CIAO2A: variants seen among roughly 807,000 people sequenced by gnomAD.
CIAO2A encodes MIP18 family protein FAM96A.
In CIAO2A, 17 loss-of-function variants were observed where a neutral mutation model predicts 22.4. That is an observed-to-expected ratio of 0.76 (90% CI 0.52 to 1.14). CIAO2A has a LOEUF of 1.14. Ranked by LOEUF, CIAO2A falls within the 50% of genes most tolerant of loss-of-function variation. The pLI is 0.00. For missense variants in CIAO2A, 192 were observed against 191.4 expected (o/e 1.00, Z -0.02); for synonymous variants, 74 against 72.3 (o/e 1.02, Z -0.12).
intron 3 of CIAO2A, among the ~76,000 whole-genome samples, chr15:64,077,082 G>A (rs187233060): frequency 4.3e-4 from 66 of 152,246 alleles, no homozygotes; most frequent in Non-Finnish European, 8.5e-4. Flanking sequence ...GGAGGCCGAG[G>A]CAGGCGGATC....
At position 64,081,093 on chromosome 15, in the gene CIAO2A, C is replaced by T; in HGVS notation, c.339+9G>A. 2 of 1,611,818 alleles carry T rather than the reference C, an allele frequency of 1.2e-6. No individual in the cohort carries two copies. The highest frequency in any genetic ancestry group is 1.7e-6 in the Non-Finnish European group (2 of 1,179,134). On this transcript the variant is annotated intron_variant, in intron 3 of 4. Transcript: ENST00000300030. ...AACAACAACAACAACAAAAATACAT[C>T]TTTCTTACCTTATGTTTAAATGGTA...
chr15:64,075,421 A>T, intron 4 of CIAO2A, 71 bp downstream of exon 4: 1 of 947,500 alleles, frequency 1.1e-6, no homozygotes, highest in Non-Finnish European at 1.6e-6. Flanking sequence ...CTTGGCTGGC[A>T]GAAGAATCCA....
intron 2 of CIAO2A, among the ~76,000 whole-genome samples, chr15:64,081,630 C>T (rs1038681722): frequency 1.3e-5 from 2 of 149,890 alleles, no homozygotes; most frequent in South Asian, 4.2e-4. Context: ...CTCCGCCTCT[C>T]GGTTCAAGCA....
At position 64,093,754 on chromosome 15, in the gene CIAO2A, G is replaced by T. The variant is rs201610446; in HGVS notation, c.15C>A (p.Ser5=). ...TGCTCAGCGTCCAGGAGAGCAGCCC[G>T]GACACCCGCTGCATCTTCACGCTCA... The part of the protein sequence containing the change: MQRV[S]GLLSWTLSRV... The change falls in exon 1 of 5, where the codon TCC becomes TCA. Residue 5 remains serine, a synonymous_variant. Coordinates refer to ENST00000300030, the MANE Select transcript of CIAO2A (RefSeq NM_032231.7). 1.9e-6 allele frequency: 3 copies of T among 1,611,442 alleles called. No individual in the cohort carries two copies. Among genetic ancestry groups the T allele is most frequent in the Non-Finnish European group, 2.5e-6 (3 of 1,177,810 alleles).
At chr15:64,082,509 T>G (rs1279193559) in intron 2 of CIAO2A, among the ~76,000 whole-genome samples, 1 of 152,218 alleles carries the variant, frequency 6.6e-6, no homozygotes, top group Non-Finnish European at 1.5e-5. Flanking sequence ...ATTATAGGCA[T>G]GAGCCACCGC....
chr15:64,075,229 C>T (rs1443415934), intron 4 of CIAO2A: 3 of 296,638 alleles, frequency 1.0e-5, no homozygotes. Flanking sequence ...AGTCAAGGTC[C>T]CCAGCACTGG....
At chr15:64,078,504 T>C (rs2080735556) in intron 3 of CIAO2A, among the ~76,000 whole-genome samples, 2 of 151,890 alleles carry the variant, frequency 1.3e-5, no homozygotes, top group South Asian at 2.1e-4. Flanking sequence ...GGTGTGGTGG[T>C]ATGCGCCTGT....
chr15:64,074,578 G>C lies in CIAO2A; in HGVS notation c.385+914C>G, dbSNP rs184367466. ...GGTTTAAAGAAATTCAGCCCACAAA[G>C]AGTATAATAATCTACATGTCTAGAA... On this transcript the variant is annotated intron_variant, in intron 4 of 4. Transcript: ENST00000300030. 2.6e-5 allele frequency: 4 copies of C among 152,278 alleles called. No individual in the cohort carries two copies. In the East Asian group the frequency reaches 7.7e-4, roughly 29 times the overall value. 9.4% of individuals were successfully genotyped at this position (152,278 alleles called of 1,614,324 possible). A position where few individuals can be genotyped will look rare whatever the true frequency, so the allele number is the denominator to read the frequency against.
intron 1 of CIAO2A, among the ~76,000 whole-genome samples, chr15:64,091,411 G>A (rs2080838690): frequency 6.6e-6 from 1 of 151,452 alleles, no homozygotes; most frequent in Admixed American, 6.6e-5. Flanking sequence ...CTTGAACCCA[G>A]GAGGCTGAGG....
At chr15:64,091,342 G>A (rs1054566839) in intron 1 of CIAO2A, among the ~76,000 whole-genome samples, 4 of 152,084 alleles carry the variant, frequency 2.6e-5, no homozygotes, top group African/African-American at 9.7e-5. Flanking sequence ...AAAATGAGCC[G>A]GGTGTGGTGG....
rs577901140 is a variant in CIAO2A, at chr15:64,077,894, T to C, written c.340-2357A>G. 3.9e-5 allele frequency among the ~76,000 whole-genome samples: 6 copies of C among 152,306 alleles called. No homozygotes were observed. The East Asian group carries it at 7.7e-4, about 20-fold the overall frequency. The stretch of plus-strand genomic sequence containing the variant: ...TGTCCTGGTTTAGAAATTTATACTG[T>C]GGTAATGTAAGAGAATGTCCTTGTT... On this transcript the variant is annotated intron_variant, in intron 3 of 4. Transcript: ENST00000300030.
At chr15:64,075,903 T>C (rs1360601444) in intron 3 of CIAO2A, among the ~76,000 whole-genome samples, 2 of 151,950 alleles carry the variant, frequency 1.3e-5, no homozygotes, top group Non-Finnish European at 2.9e-5. Context: ...CCTCAGGTGA[T>C]CCGCCTCGGC....
chr15:64,082,837 A>G (rs2080767259), intron 2 of CIAO2A, among the ~76,000 whole-genome samples: 1 of 152,164 alleles, frequency 6.6e-6, no homozygotes, highest in African/African-American at 2.4e-5. Context: ...TAGCTTCACT[A>G]CATACTCGCT....
At position 64,088,709 on chromosome 15, in the gene CIAO2A, A is replaced by G. The variant is rs2080816448; in HGVS notation, c.267T>C (p.His89=). The G allele has an allele frequency of 6.2e-7, 1 of 1,612,812 alleles. No homozygotes were observed. The highest frequency in any genetic ancestry group is 8.5e-7 in the Non-Finnish European group (1 of 1,179,698). The part of the protein sequence containing the change: ...VIIRFTPTVP[H]CSLATLIGLC... ...TACCAATAAGAGTCGCCAAAGAGCA[A>G]TGAGGTACTGTTGGCGTGAACCTGA... The change falls in exon 2 of 5, where the codon CAT becomes CAC. Residue 89 remains histidine (H), a synonymous_variant. Transcript: ENST00000300030.
At chr15:64,087,397 T>C (rs2080806316) in intron 2 of CIAO2A, among the ~76,000 whole-genome samples, 1 of 151,982 alleles carries the variant, frequency 6.6e-6, no homozygotes, top group Non-Finnish European at 1.5e-5. Flanking sequence ...GGCCTAATTT[T>C]GTATTTTTTT....
At chr15:64,081,193 T>A (rs144603843) in intron 2 of CIAO2A, 42 bp from the exon 3 acceptor site, 1 of 1,573,710 alleles carries the variant, frequency 6.4e-7, no homozygotes, top group South Asian at 1.1e-5. Flanking sequence ...TCTTTATTGC[T>A]TCTTATTGGT....
At chr15:64,080,997 C>G (rs1025379780) in intron 3 of CIAO2A, 105 bp downstream of exon 3, 12 of 1,111,726 alleles carry the variant, frequency 1.1e-5, no homozygotes, top group African/African-American at 1.6e-5. Flanking sequence ...AAGCAAAAAC[C>G]ACTGAATTGG....
chr15:64,078,016 G>T lies in CIAO2A; in HGVS notation c.340-2479C>A, dbSNP rs145957155. Among the ~76,000 whole-genome samples the T allele has an allele frequency of 3.3e-3, 509 of 152,264 alleles. 1 individual carries two copies. Among genetic ancestry groups the T allele is most frequent in the Middle Eastern group, 6.8e-3 (2 of 294 alleles). On this transcript the variant is annotated intron_variant, in intron 3 of 4. Transcript: ENST00000300030. ...ATGTGTATGTGTGTGTACATATATAGAGAGAAATTAATGATAAACCAAATG... is the reference window on the plus strand; with the variant it reads ...ATGTGTATGTGTGTGTACATATATATAGAGAAATTAATGATAAACCAAATG...
At position 64,072,969 on chromosome 15, in the gene CIAO2A, G is replaced by A. The variant is rs746761595; in HGVS notation, c.445C>T (p.Arg149Trp). 2.2e-5 allele frequency: 36 copies of A among 1,613,660 alleles called. No individual in the cohort carries two copies. The highest frequency in any genetic ancestry group is 3.3e-4 in the Middle Eastern group (2 of 6,080). Reference protein sequence around the residue: ...VAAAMENPNLREIVEQCVLEP... With the variant: ...VAAAMENPNLWEIVEQCVLEP... Reference sequence around the variant, plus strand: ...AGGACACACTGTTCCACAATTTCCCGTAAGTTGGGGTTTTCCATTGCAGCT... The same window carrying A: ...AGGACACACTGTTCCACAATTTCCCATAAGTTGGGGTTTTCCATTGCAGCT... The change falls in exon 5 of 5, where the codon CGG (arginine) becomes TGG (tryptophan). Residue 149 changes from arginine to tryptophan, a missense_variant. Coordinates refer to ENST00000300030, the MANE Select transcript of CIAO2A (RefSeq NM_032231.7).
Sources: gnomAD v4.1 joint callset for allele counts (sites outside exome capture counted in the v4.1 genomes callset) on GRCh38, gnomAD v4.1.1 for gene constraint, MANE v1.5 for transcripts, NCBI Gene and HGNC (gene_info 2026-07-23, HGNC 2026-07-21) for gene names.